The following MEMO1 variants were observed in gnomAD, a reference collection of about 807,000 sequenced individuals.
The protein encoded by MEMO1 is mediator of cell motility 1.
In MEMO1, 6 loss-of-function variants were observed where a neutral mutation model predicts 45.2. The ratio of observed to expected loss-of-function variants is 0.13; its 90% CI spans 0.07 to 0.26. MEMO1 has a LOEUF of 0.26. MEMO1 is among the 10% of genes least tolerant of loss of function. The probability of loss-of-function intolerance (pLI) is 1.00; values close to 1 mark genes in which losing one functional copy is unlikely to be tolerated. For missense variants in MEMO1, 184 were observed against 370.5 expected (o/e 0.50, Z 4.13); for synonymous variants, 78 against 124.3 (o/e 0.63, Z 2.48).
At chr2:31,911,978 C>A (rs1191823100) in intron 6 of MEMO1, among the ~76,000 whole-genome samples, 1 of 152,038 alleles carries the variant, frequency 6.6e-6, no homozygotes. Flanking sequence ...CTAATTTTTT[C>A]TACATGATTT....
At position 31,927,897 on chromosome 2, in the gene MEMO1, T is replaced by C. The variant is rs370183595; in HGVS notation, c.212+4170A>G. 2.6e-5 allele frequency among the ~76,000 whole-genome samples: 4 copies of C among 152,148 alleles called. No homozygotes were observed. The East Asian group carries it at 5.8e-4, about 22-fold the overall frequency. ...AACCACTGTATTTCACTTTCAGCTT[T>C]TTAATTAAATTTTTAGCTTTTAATA... On this transcript the variant is annotated intron_variant, in intron 4 of 9. Coordinates refer to ENST00000404530, the MANE Select transcript of MEMO1 (RefSeq NM_001301833.4).
At chr2:31,957,482 C>T (rs1572807525) in intron 2 of MEMO1, among the ~76,000 whole-genome samples, 6 of 152,252 alleles carry the variant, frequency 3.9e-5, no homozygotes, top group Admixed American at 6.5e-5. Context: ...TTAAGAATTG[C>T]TATTTAACAA....
intron 6 of MEMO1, among the ~76,000 whole-genome samples, chr2:31,915,795 C>T (rs375405044): frequency 2.0e-5 from 3 of 152,104 alleles, no homozygotes; most frequent in East Asian, 3.9e-4. Flanking sequence ...GTGTTCTCTG[C>T]CCCAATTCCT....
At chr2:31,956,352 A>G (rs1233603809) in intron 2 of MEMO1, among the ~76,000 whole-genome samples, 1 of 152,194 alleles carries the variant, frequency 6.6e-6, no homozygotes, top group East Asian at 1.9e-4. Context: ...AAAAAAAAAA[A>G]AGGAGTTTCT....
rs1054640402 is a variant in MEMO1 at position 31,923,525 on chromosome 2, T to C, written c.213-2615A>G. The C allele has an allele frequency of 3.4e-6, 4 of 1,191,142 alleles. No individual in the cohort carries two copies. In the African/African-American group the frequency reaches 4.7e-5, roughly 14 times the overall value. The allele number at this position is 1,191,142 out of a possible 1,614,324, so 73.8% of individuals were successfully genotyped here. A position where few individuals can be genotyped will look rare whatever the true frequency, so the allele number is the denominator to read the frequency against. ...ATAGCACTCTGGTCACCTATCTTAA[T>C]AGCACATAAATAACATGACACTTTG... On this transcript the variant is annotated intron_variant, in intron 4 of 9. Coordinates refer to ENST00000404530, the MANE Select transcript of MEMO1 (RefSeq NM_001301833.4).
intron 2 of MEMO1, among the ~76,000 whole-genome samples, chr2:31,988,287 C>A (rs1671519379): frequency 6.6e-6 from 1 of 152,178 alleles, no homozygotes; most frequent in Non-Finnish European, 1.5e-5. Context: ...TAGCTCACGC[C>A]TGTAATCCCA....
intron 8 of MEMO1, among the ~76,000 whole-genome samples, chr2:31,882,146 A>C (rs565956692): frequency 6.6e-6 from 1 of 151,756 alleles, no homozygotes; most frequent in South Asian, 2.1e-4. Flanking sequence ...CTTCTCTCTA[A>C]ATAAATAAAT....
chr2:31,875,043 AT>A (rs1361752639), intron 8 of MEMO1, among the ~76,000 whole-genome samples: 1 of 152,012 alleles, frequency 6.6e-6, no homozygotes, highest in African/African-American at 2.4e-5. Context: ...TGAATCAACA[AT>A]ATACTAATAA....
intron 6 of MEMO1, among the ~76,000 whole-genome samples, chr2:31,907,117 C>T (rs1473549851): frequency 1.3e-5 from 2 of 152,092 alleles, no homozygotes; most frequent in African/African-American, 2.4e-5. Context: ...AACCTTATGC[C>T]TAATCCCATG....
At chr2:31,900,461 A>G (rs1277239658) in intron 6 of MEMO1, among the ~76,000 whole-genome samples, 2 of 152,126 alleles carry the variant, frequency 1.3e-5, no homozygotes, top group Non-Finnish European at 1.5e-5. Context: ...GTTCTCACTC[A>G]TTAACTGGGG....
At chr2:31,910,524 C>G (rs1411385160) in intron 6 of MEMO1, among the ~76,000 whole-genome samples, 1 of 152,114 alleles carries the variant, frequency 6.6e-6, no homozygotes, top group Non-Finnish European at 1.5e-5. Context: ...TAGAAAGACC[C>G]TCACATGATG....
chr2:31,892,710 AATTTC>A (rs1256083645), intron 6 of MEMO1, among the ~76,000 whole-genome samples: 1 of 152,182 alleles, frequency 6.6e-6, no homozygotes, highest in East Asian at 1.9e-4. Context: ...ATACAACTCA[AATTTC>A]ATTGGCATCT....
At chr2:31,946,735 C>T (rs377577217) in intron 2 of MEMO1, among the ~76,000 whole-genome samples, 12 of 151,974 alleles carry the variant, frequency 7.9e-5, no homozygotes, top group East Asian at 3.9e-4. Flanking sequence ...TGGTGGGCCA[C>T]GCCTGCAGTC....
At chr2:31,973,548 G>T (rs949623848) in intron 2 of MEMO1, among the ~76,000 whole-genome samples, 1 of 151,976 alleles carries the variant, frequency 6.6e-6, no homozygotes, top group Non-Finnish European at 1.5e-5. Context: ...AAAGCCAAAA[G>T]GTGGAACAGT....
intron 2 of MEMO1, among the ~76,000 whole-genome samples, chr2:31,988,244 G>T (rs897472407): frequency 3.3e-5 from 5 of 152,092 alleles, no homozygotes; most frequent in African/African-American, 1.2e-4. Context: ...GATTTTCCCT[G>T]AAGGTTCAAA....
intron 2 of MEMO1, among the ~76,000 whole-genome samples, chr2:31,946,269 G>C (rs1162249483): frequency 6.6e-6 from 1 of 151,854 alleles, no homozygotes; most frequent in African/African-American, 2.4e-5. Flanking sequence ...TTGTATTTGT[G>C]TTTCAATAAC....
intron 3 of MEMO1, among the ~76,000 whole-genome samples, chr2:31,933,981 A>G (rs1469897791): frequency 2.6e-5 from 4 of 152,162 alleles, no homozygotes; most frequent in Non-Finnish European, 2.9e-5. Context: ...GTCACTGCTC[A>G]CTGCTTCAGA....
intron 2 of MEMO1, among the ~76,000 whole-genome samples, chr2:31,999,246 T>C (rs1326032876): frequency 6.6e-6 from 1 of 152,194 alleles, no homozygotes; most frequent in Non-Finnish European, 1.5e-5. Flanking sequence ...CCCTTGCCAC[T>C]GCTTTCACCA....
intron 6 of MEMO1, chr2:31,893,436 A>G (rs1377617680): frequency 1.1e-6 from 1 of 873,188 alleles, no homozygotes; most frequent in Non-Finnish European, 1.4e-6. Context: ...CTCTTCAATT[A>G]GTTAAGACTG....
Sources: allele counts gnomAD v4.1 joint callset (sites outside exome capture counted in the v4.1 genomes callset), GRCh38; gene constraint gnomAD v4.1.1; transcripts MANE v1.5; gene names NCBI Gene and HGNC (gene_info 2026-07-23, HGNC 2026-07-21).